PIK3AP1: variants seen among roughly 807,000 people sequenced by gnomAD.
PIK3AP1 encodes the protein phosphoinositide 3-kinase adapter protein 1.
PIK3AP1 carries 21 observed loss-of-function variants against 88.1 expected under a neutral mutation model. That is an observed-to-expected ratio of 0.24 (90% CI 0.17 to 0.34). The LOEUF is 0.34. Ranked by LOEUF, PIK3AP1 falls within the 10% of genes least tolerant of loss-of-function variation. PIK3AP1 has a pLI of 1.00. For missense variants in PIK3AP1, 828 were observed against 1,035.7 expected, an observed-to-expected ratio of 0.80 and a Z score of 2.75; for synonymous variants, 398 against 400.0, an observed-to-expected ratio of 1.00 and a Z score of 0.06.
At chr10:96,645,895 A>T (rs1843452930) in intron 7 of PIK3AP1, among the ~76,000 whole-genome samples, 1 of 152,130 alleles carries the variant, frequency 6.6e-6, no homozygotes, top group African/African-American at 2.4e-5. Context: ...TTCCTACAAC[A>T]CTAAGCACAG....
chr10:96,659,272 A>G (rs1410905206), intron 2 of PIK3AP1, among the ~76,000 whole-genome samples: 2 of 152,210 alleles, frequency 1.3e-5, no homozygotes, highest in Non-Finnish European at 2.9e-5. Flanking sequence ...CTTAAAATAG[A>G]AAGAAGCTCC....
In PIK3AP1 at chr10:96,656,903, C is replaced by T; in HGVS notation, c.462G>A (p.Glu154=). The part of the protein sequence containing the change: ...DSGCDSVTDT[E]PEDEKVVSYS... ...AGGAAACAACCTTCTCGTCCTCAGG[C>T]TCAGTGTCAGTGACTGAGTCACAGC... is the stretch of plus-strand genomic sequence containing the variant. The change falls in exon 3 of 17, where the codon GAG becomes GAA. Residue 154 remains glutamate, a synonymous_variant. Coordinates refer to ENST00000339364, the MANE Select transcript of PIK3AP1 (RefSeq NM_152309.3). 1.2e-6 allele frequency: 2 copies of T among 1,614,088 alleles called. No individual in the cohort carries two copies. The highest frequency in any genetic ancestry group is 2.2e-5 in the East Asian group (1 of 44,870).
At chr10:96,692,580 AAAAG>A (rs1021356315) in intron 2 of PIK3AP1, among the ~76,000 whole-genome samples, 6 of 152,076 alleles carry the variant, frequency 3.9e-5, no homozygotes, top group East Asian at 1.9e-4. Flanking sequence ...CTCAAAAAAA[AAAAG>A]AAAGAAAGAA....
intron 13 of PIK3AP1, among the ~76,000 whole-genome samples, chr10:96,615,095 G>A (rs1849191623): frequency 6.6e-6 from 1 of 152,216 alleles, no homozygotes; most frequent in African/African-American, 2.4e-5. Context: ...GCCTGAAGGT[G>A]AAGATGTGGG....
intron 8 of PIK3AP1, among the ~76,000 whole-genome samples, chr10:96,633,713 G>T (rs1287905248): frequency 6.6e-6 from 1 of 152,158 alleles, no homozygotes; most frequent in Non-Finnish European, 1.5e-5. Context: ...TCAAAGTAAT[G>T]AATGCTTATG....
intron 2 of PIK3AP1, among the ~76,000 whole-genome samples, chr10:96,662,814 G>A (rs1177571253): frequency 4.2e-5 from 6 of 144,232 alleles, no homozygotes; most frequent in Non-Finnish European, 9.0e-5. Flanking sequence ...CCGGGGAAGC[G>A]GAGCTTGCAG....
intron 11 of PIK3AP1, among the ~76,000 whole-genome samples, chr10:96,622,349 G>T (rs1192284867): frequency 6.6e-6 from 1 of 152,192 alleles, no homozygotes; most frequent in East Asian, 1.9e-4. Flanking sequence ...GCTACTCGCA[G>T]CGACCATGGG....
At position 96,604,060 on chromosome 10, in the gene PIK3AP1, G is replaced by A. The variant is rs1281157221; in HGVS notation, c.2171-11C>T. 3.2e-6 allele frequency: 5 copies of A among 1,573,172 alleles called. No individual in the cohort carries two copies. In the African/African-American group the frequency reaches 4.1e-5, roughly 13 times the overall value. ...GGTTACTTGTGCTACCTAAAGGGTA[G>A]AAAGAAAATCAGCCGGATTGAGGAT... On this transcript the variant is annotated splice_polypyrimidine_tract_variant and intron_variant, in intron 14 of 16. Coordinates refer to ENST00000339364, the MANE Select transcript of PIK3AP1 (RefSeq NM_152309.3).
At position 96,623,557 on chromosome 10, in the gene PIK3AP1, C is replaced by A; in HGVS notation, c.1670-20G>T. On this transcript the variant is annotated intron_variant, in intron 10 of 16. Transcript: ENST00000339364. ...CAAAAACTATGAGATAAAGAATATT[C>A]TGATTACTGAAAAAGTATCAAAATC... The A allele has an allele frequency of 6.4e-7, 1 of 1,570,934 alleles. No homozygotes were observed. The highest frequency in any genetic ancestry group is 1.1e-5 in the South Asian group (1 of 90,120).
At chr10:96,637,356 A>ACT (rs1843326491) in intron 8 of PIK3AP1, among the ~76,000 whole-genome samples, 1 of 147,530 alleles carries the variant, frequency 6.8e-6, no homozygotes, top group African/African-American at 2.6e-5. Flanking sequence ...ACACACACAC[A>ACT]CTCTGTGATA....
intron 2 of PIK3AP1, among the ~76,000 whole-genome samples, chr10:96,678,240 C>G (rs1160703102): frequency 6.6e-6 from 1 of 152,102 alleles, no homozygotes; most frequent in Non-Finnish European, 1.5e-5. Context: ...TCGAGACCAG[C>G]CTGGCCAACA....
chr10:96,633,916 A>G (rs1402216923), intron 8 of PIK3AP1, among the ~76,000 whole-genome samples: 1 of 152,226 alleles, frequency 6.6e-6, no homozygotes, highest in Non-Finnish European at 1.5e-5. Flanking sequence ...AGACAAGGCT[A>G]GCCAGGTGCA....
At chr10:96,719,607 A>G (rs1051279871) in intron 1 of PIK3AP1, among the ~76,000 whole-genome samples, 9 of 152,128 alleles carry the variant, frequency 5.9e-5, no homozygotes, top group African/African-American at 2.2e-4. Flanking sequence ...TTGGAGTGCA[A>G]TAGTAAGGAC....
intron 7 of PIK3AP1, 98 bp downstream of exon 7, chr10:96,648,561 A>G: frequency 1.6e-6 from 2 of 1,279,386 alleles, no homozygotes; most frequent in Non-Finnish European, 2.1e-6. Flanking sequence ...ACATGAGGAC[A>G]TGCTAGAGAT....
At chr10:96,669,050 T>C (rs998634933) in intron 2 of PIK3AP1, among the ~76,000 whole-genome samples, 34 of 152,274 alleles carry the variant, frequency 2.2e-4, no homozygotes, top group African/African-American at 7.9e-4. Context: ...GAGAATTGCT[T>C]GAACTCGGGA....
chr10:96,678,094 G>A (rs143642114), intron 2 of PIK3AP1, among the ~76,000 whole-genome samples: 1,636 of 152,102 alleles, frequency 0.011, 15 homozygotes, highest in African/African-American at 0.025. Context: ...CTCCCGAGTA[G>A]TTAGGACTAC....
intron 2 of PIK3AP1, among the ~76,000 whole-genome samples, chr10:96,674,473 C>T (rs1207655621): frequency 6.6e-6 from 1 of 152,200 alleles, no homozygotes; most frequent in African/African-American, 2.4e-5. Context: ...CTGAAAAGTG[C>T]AAGACAAAGT....
intron 10 of PIK3AP1, 28 bp from the exon 11 acceptor site, chr10:96,623,565 T>C (rs1379954783): frequency 1.3e-6 from 2 of 1,531,812 alleles, no homozygotes; most frequent in Admixed American, 3.3e-5. Context: ...TTCTGATTAC[T>C]GAAAAAGTAT....
At chr10:96,684,550 A>C (rs1258735783) in intron 2 of PIK3AP1, among the ~76,000 whole-genome samples, 4 of 152,226 alleles carry the variant, frequency 2.6e-5, no homozygotes. Flanking sequence ...ACCATGCTGC[A>C]GGGGGAGAGG....
Sources: gnomAD v4.1 joint callset for allele counts (sites outside exome capture counted in the v4.1 genomes callset) on GRCh38, gnomAD v4.1.1 for gene constraint, MANE v1.5 for transcripts, NCBI Gene and HGNC (gene_info 2026-07-23, HGNC 2026-07-21) for gene names.